Variants in CFAP251 observed in about 807,000 individuals in gnomAD.
CFAP251 encodes cilia- and flagella-associated protein 251.
CFAP251 carries 93 observed loss-of-function variants against 126.7 expected under a neutral mutation model. The ratio of observed to expected loss-of-function variants is 0.73; its 90% CI spans 0.62 to 0.87. The LOEUF (loss-of-function observed/expected upper bound fraction) is 0.87, where lower values mean the gene tolerates loss of function less well. Ranked by LOEUF, CFAP251 falls within the 40% of genes least tolerant of loss-of-function variation. The pLI is 0.00. For missense variants in CFAP251, 1,287 were observed against 1,389.2 expected (o/e 0.93, Z 1.17); for synonymous variants, 503 against 506.9 (o/e 0.99, Z 0.10).
At chr12:121,983,340 G>C (rs1208326994) in intron 19 of CFAP251, among the ~76,000 whole-genome samples, 2 of 130,202 alleles carry the variant, frequency 1.5e-5, no homozygotes, top group Non-Finnish European at 3.7e-5. Context: ...GCTGCAGCAT[G>C]CTATGATCAT....
At chr12:121,920,314 G>A (rs1880112642) in intron 1 of CFAP251, among the ~76,000 whole-genome samples, 1 of 124,902 alleles carries the variant, frequency 8.0e-6, no homozygotes, top group Non-Finnish European at 1.6e-5. Context: ...TGCAACCTCC[G>A]CCTCCCAGAT....
intron 21 of CFAP251, among the ~76,000 whole-genome samples, chr12:122,002,728 C>T (rs1420451877): frequency 6.6e-6 from 1 of 152,150 alleles, no homozygotes; most frequent in African/African-American, 2.4e-5. Context: ...AGGGCCGTGA[C>T]TTTCAGCTCA....
intron 5 of CFAP251, among the ~76,000 whole-genome samples, chr12:121,935,802 G>A (rs890333319): frequency 3.0e-4 from 46 of 152,316 alleles, no homozygotes; most frequent in African/African-American, 1.1e-3. Context: ...AGCTGGGTCC[G>A]GAAGGCCGGG....
chr12:121,969,222 A>C (rs1882253126), intron 17 of CFAP251: 1 of 985,160 alleles, frequency 1.0e-6, no homozygotes, highest in African/African-American at 1.7e-5. Context: ...TCTACTCTTA[A>C]CCTGAATATG....
Position 121,962,140 on chromosome 12 carries a change from A to G in CFAP251, c.2470A>G (p.Asn824Asp). The G allele has an allele frequency of 6.2e-7, 1 of 1,613,536 alleles. No individual in the cohort carries two copies. The highest frequency in any genetic ancestry group is 8.5e-7 in the Non-Finnish European group (1 of 1,179,974). ...CAGTGGCTACAAAGTGAAGCTTTTT[A>G]ATGCTACTACCAAAATGTGCAGGTA... ...CNSGYKVKLF[N>D]ATTKMCRKTL... The change falls in exon 15 of 22, where the codon AAT becomes GAT. Residue 824 changes from asparagine (N) to aspartate (D), a missense_variant. Physicochemically the swap from Asn to Asp is conservative, Grantham distance 23 (BLOSUM62 1). Transcript: ENST00000288912.
intron 19 of CFAP251, among the ~76,000 whole-genome samples, chr12:121,979,431 C>T (rs1882559514): frequency 6.6e-6 from 1 of 152,132 alleles, no homozygotes; most frequent in Non-Finnish European, 1.5e-5. Flanking sequence ...CCAGGTCCAG[C>T]CAATCGGAAT....
intron 19 of CFAP251, 181 bp from the exon 20 acceptor site, chr12:121,999,535 C>T (rs1040205586): frequency 6.0e-6 from 3 of 502,282 alleles, no homozygotes; most frequent in African/African-American, 3.9e-5. Context: ...AGGGTTTCAC[C>T]ATGTTGGCCA....
chr12:121,932,592 C>CCAA (rs1375685284), intron 4 of CFAP251: 1 of 152,462 alleles, frequency 6.6e-6, no homozygotes, highest in East Asian at 1.9e-4. Flanking sequence ...TCCTTGGTGT[C>CCAA]TGACTTTCCA....
rs1323610563 is a variant in CFAP251 at position 121,928,702 on chromosome 12, ATATTTT to A, written c.748-3042_748-3037del. On this transcript the variant is annotated intron_variant, in intron 3 of 21. Transcript: ENST00000288912. Reference sequence around the variant, plus strand: ...TATATATATATACGTATATATATATATATTTTTTTTTTGAGACAGGGTCTTGCTCTG... The same window carrying A: ...TATATATATATACGTATATATATATATTTTTTGAGACAGGGTCTTGCTCTG... Among the ~76,000 whole-genome samples, 255 of 54,296 alleles carry A rather than the reference ATATTTT, an allele frequency of 4.7e-3. 6 individuals are homozygous for A. Among genetic ancestry groups the A allele is most frequent in the Non-Finnish European group, 0.013 (215 of 16,868 alleles). The allele number at this position is 54,296 out of a possible 152,430, so 35.6% of individuals were successfully genotyped here.
At position 121,923,885 on chromosome 12, in the gene CFAP251, A is replaced by G; in HGVS notation, c.642A>G (p.Val214=). 1 of 1,614,180 alleles carries G rather than the reference A, an allele frequency of 6.2e-7. No individual in the cohort carries two copies. Among genetic ancestry groups the G allele is most frequent in the Non-Finnish European group, 8.5e-7 (1 of 1,180,048 alleles). Residue 214 remains valine, a synonymous_variant, in exon 3 of 22, where the codon GTA becomes GTG. Transcript: ENST00000288912. ...GAGAGGAGGGACAAGAAAGGAGAGTATCCGACATCCAGTCCAAAGCAGGGA... is the reference window on the plus strand; with the variant it reads ...GAGAGGAGGGACAAGAAAGGAGAGTGTCCGACATCCAGTCCAAAGCAGGGA... The part of the protein sequence containing the change: ...ENREEGQERR[V]SDIQSKAGIS...
intron 1 of CFAP251, among the ~76,000 whole-genome samples, chr12:121,920,944 G>A (rs1437035377): frequency 6.6e-6 from 1 of 151,764 alleles, no homozygotes; most frequent in Non-Finnish European, 1.5e-5. Context: ...TGCCTCCCAG[G>A]TTCAAGCGAT....
rs552062812 is a variant in CFAP251, at chr12:121,940,691, C to G, written c.999-1843C>G. Among the ~76,000 whole-genome samples, 7 of 152,302 alleles carry G rather than the reference C, an allele frequency of 4.6e-5. No homozygotes were observed. The East Asian group carries it at 1.2e-3, about 25-fold the overall frequency. On this transcript the variant is annotated intron_variant, in intron 5 of 21. Transcript: ENST00000288912. ...TCCACTGCTTCTGTGCTTTGGCTGT[C>G]TTAGATACTTGCATGTCATCTAATT... is the stretch of plus-strand genomic sequence containing the variant.
chr12:121,946,300 A>G (rs563187409), intron 7 of CFAP251, among the ~76,000 whole-genome samples: 5 of 152,314 alleles, frequency 3.3e-5, no homozygotes, highest in East Asian at 1.9e-4. Flanking sequence ...TTCACTGTTA[A>G]TGGACATTGG....
intron 19 of CFAP251, among the ~76,000 whole-genome samples, chr12:121,996,479 T>G (rs1883023607): frequency 6.6e-6 from 1 of 152,212 alleles, no homozygotes; most frequent in Admixed American, 6.5e-5. Context: ...ACAGTTTTGT[T>G]TGTTTCTTTA....
chr12:121,992,239 A>G, intron 19 of CFAP251: 4 of 985,486 alleles, frequency 4.1e-6, no homozygotes, highest in Non-Finnish European at 4.8e-6. Flanking sequence ...TCCTCTCCCA[A>G]GCATGAACTT....
intron 3 of CFAP251, among the ~76,000 whole-genome samples, chr12:121,927,213 A>G (rs1415966182): frequency 3.4e-5 from 5 of 148,848 alleles, no homozygotes; most frequent in Non-Finnish European, 5.9e-5. Context: ...TACCGGTGAG[A>G]TAATCCTGCA....
chr12:121,993,448 C>A (rs1882929217), intron 19 of CFAP251, among the ~76,000 whole-genome samples: 1 of 146,046 alleles, frequency 6.8e-6, no homozygotes, highest in South Asian at 2.3e-4. Flanking sequence ...ATGTGAGGAG[C>A]CCCTCTGCCT....
rs576412535 is a variant in CFAP251 at position 122,001,558 on chromosome 12, C to T, written c.3297C>T (p.Pro1099=). 1.7e-5 allele frequency: 27 copies of T among 1,614,022 alleles called. No homozygotes were observed. The Middle Eastern group carries it at 2.1e-3, about 128-fold the overall frequency. Residue 1099 remains proline (P), a synonymous_variant, in exon 21 of 22, where the codon CCC becomes CCT. Transcript: ENST00000288912. ...DCFASLFGLN[P]EGWKSEPATC... is the part of the protein sequence containing the mutation. ...TTGCTTCACTGTTTGGCCTGAATCC[C>T]GAGGGATGGAAATCCGAGCCTGCAA...
At chr12:121,937,595 G>A (rs765709219) in intron 5 of CFAP251, among the ~76,000 whole-genome samples, 3 of 152,186 alleles carry the variant, frequency 2.0e-5, no homozygotes, top group Non-Finnish European at 4.4e-5. Context: ...AGAGCAGTCA[G>A]ATTTCACTGA....
Sources: allele counts gnomAD v4.1 joint callset (sites outside exome capture counted in the v4.1 genomes callset), GRCh38; gene constraint gnomAD v4.1.1; transcripts MANE v1.5; gene names NCBI Gene and HGNC (gene_info 2026-07-23, HGNC 2026-07-21).